DTNA: variants seen among roughly 807,000 people sequenced by gnomAD.
DTNA encodes the protein dystrobrevin alpha.
Under a neutral mutation model 100.7 loss-of-function variants are expected in DTNA, and 43 were observed. That is an observed-to-expected ratio of 0.43 (90% CI 0.33 to 0.55). DTNA has a LOEUF of 0.55. Among genes scored for constraint, DTNA ranks in the 20% least tolerant of loss-of-function variants. The pLI is 0.04. For synonymous variants in DTNA, 349 were observed against 347.9 expected (o/e 1.00, Z -0.04); for missense variants, 798 against 953.9 (o/e 0.84, Z 2.15).
rs112076124 is a variant in DTNA, at chr18:34,792,799, A to T, written c.149-1238A>T. On this transcript the variant is annotated intron_variant, in intron 3 of 22. Coordinates refer to ENST00000444659, the MANE Select transcript of DTNA (RefSeq NM_001386795.1). Reference sequence around the variant, plus strand: ...ACTTACTGTGAAACCCAGCCTTTTCATTTCTAAGTATTTACTTAATATTTT... The same window carrying T: ...ACTTACTGTGAAACCCAGCCTTTTCTTTTCTAAGTATTTACTTAATATTTT... 7.4e-3 allele frequency among the ~76,000 whole-genome samples: 1,130 copies of T among 152,318 alleles called. 11 individuals carry two copies. The highest frequency in any genetic ancestry group is 0.026 in the African/African-American group (1,078 of 41,578).
chr18:34,618,123 G>A (rs948010606), intron 1 of DTNA, among the ~76,000 whole-genome samples: 1 of 152,136 alleles, frequency 6.6e-6, no homozygotes, highest in Admixed American at 6.5e-5. Context: ...TTCCGGAAGA[G>A]GAAACCACAG....
intron 1 of DTNA, among the ~76,000 whole-genome samples, chr18:34,498,319 A>G (rs960134978): frequency 1.4e-4 from 22 of 151,726 alleles, no homozygotes; most frequent in African/African-American, 5.1e-4. Flanking sequence ...TGTAGTCCCA[A>G]CTACTTGGGA....
intron 1 of DTNA, among the ~76,000 whole-genome samples, chr18:34,563,326 C>G (rs939947618): frequency 6.6e-6 from 1 of 152,188 alleles, no homozygotes; most frequent in Non-Finnish European, 1.5e-5. Flanking sequence ...TCCACCTTGG[C>G]TAGGAGAGAG....
chr18:34,715,776 C>T lies in DTNA; in HGVS notation c.-2+5331C>T, dbSNP rs529843024. 1.0e-3 allele frequency among the ~76,000 whole-genome samples: 159 copies of T among 152,000 alleles called. 1 individual carries two copies. Among genetic ancestry groups the T allele is most frequent in the African/African-American group, 3.5e-3 (147 of 41,484 alleles). ...TATACAAAATTAAAAAGATAAATGG[C>T]AAATTAGAAACAACATTTGCAACAT... is the stretch of plus-strand genomic sequence containing the variant. On this transcript the variant is annotated intron_variant, in intron 1 of 22. Transcript: ENST00000444659.
chr18:34,639,958 A>G (rs1241834925), intron 1 of DTNA, among the ~76,000 whole-genome samples: 3 of 152,206 alleles, frequency 2.0e-5, no homozygotes, highest in Non-Finnish European at 4.4e-5. Context: ...AGATGGGATT[A>G]GGATAATAGT....
At chr18:34,796,101 A>T (rs1282771706) in intron 4 of DTNA, among the ~76,000 whole-genome samples, 3 of 152,252 alleles carry the variant, frequency 2.0e-5, no homozygotes, top group Non-Finnish European at 4.4e-5. Context: ...ACTGTAGTAG[A>T]TTTATAAACA....
intron 1 of DTNA, among the ~76,000 whole-genome samples, chr18:34,535,608 G>C (rs1207526976): frequency 6.6e-6 from 1 of 152,056 alleles, no homozygotes; most frequent in African/African-American, 2.4e-5. Flanking sequence ...TTTTCTTCTA[G>C]GGTTTGTATG....
chr18:34,652,075 A>G (rs2143961011), intron 1 of DTNA, among the ~76,000 whole-genome samples: 1 of 146,822 alleles, frequency 6.8e-6, no homozygotes, highest in Admixed American at 6.6e-5. Context: ...CAAAAGAAAG[A>G]AAAGAAAAAA....
chr18:34,563,318 C>T (rs1312311505), intron 1 of DTNA, among the ~76,000 whole-genome samples: 1 of 152,194 alleles, frequency 6.6e-6, no homozygotes, highest in Non-Finnish European at 1.5e-5. Context: ...TGCTGCCATC[C>T]ACCTTGGCTA....
chr18:34,760,715 A>G (rs999232458), intron 2 of DTNA, among the ~76,000 whole-genome samples: 1 of 152,072 alleles, frequency 6.6e-6, no homozygotes, highest in Middle Eastern at 3.2e-3. Context: ...TGGGGAGAGC[A>G]CTCCTGTTCC....
intron 13 of DTNA, among the ~76,000 whole-genome samples, chr18:34,841,075 C>T (rs1478978718): frequency 1.3e-5 from 2 of 149,634 alleles, no homozygotes; most frequent in African/African-American, 4.8e-5. Flanking sequence ...ATAATTTCTC[C>T]TAGTCCTTAA....
At position 34,875,266 on chromosome 18, in the gene DTNA, T is replaced by A. The variant is rs199645550; in HGVS notation, c.1771T>A (p.Ser591Thr). 11 of 1,612,438 alleles carry A rather than the reference T, an allele frequency of 6.8e-6. No homozygotes were observed. The highest frequency in any genetic ancestry group is 9.3e-6 in the Non-Finnish European group (11 of 1,179,644). Reference protein sequence around the residue: ...KTQGAGSPRSSPSHTISRPIP... With the variant: ...KTQGAGSPRSTPSHTISRPIP... ...TCAGGGGGCAGGCTCTCCCCGCTCC[T>A]CCCCCAGCCACACCATCAGCAGGCC... The change falls in exon 18 of 23, where the codon TCC (serine) becomes ACC (threonine). Residue 591 changes from serine to threonine, a missense_variant. Around this residue, in one of 6 missense-constraint regions of DTNA, gnomAD observed 242 missense variants for 238.2 expected, o/e 1.02. Coordinates refer to ENST00000444659, the MANE Select transcript of DTNA (RefSeq NM_001386795.1).
At chr18:34,620,898 T>C (rs540803728) in intron 1 of DTNA, among the ~76,000 whole-genome samples, 1 of 152,248 alleles carries the variant, frequency 6.6e-6, no homozygotes, top group East Asian at 1.9e-4. Context: ...AAAATGCACA[T>C]TGCATAGTTG....
intron 1 of DTNA, among the ~76,000 whole-genome samples, chr18:34,642,875 G>A (rs1033914221): frequency 5.3e-5 from 8 of 152,006 alleles, no homozygotes; most frequent in African/African-American, 1.9e-4. Flanking sequence ...CTTTCTCAGG[G>A]AATCATGCTG....
At chr18:34,520,603 G>A (rs541935382) in intron 1 of DTNA, among the ~76,000 whole-genome samples, 2 of 152,178 alleles carry the variant, frequency 1.3e-5, no homozygotes, top group East Asian at 3.9e-4. Context: ...GCAGTGAGCC[G>A]AGATCTTGCC....
chr18:34,563,291 C>G (rs981477807), intron 1 of DTNA, among the ~76,000 whole-genome samples: 15 of 152,166 alleles, frequency 9.9e-5, no homozygotes, highest in Non-Finnish European at 4.4e-5. Context: ...TGCCACAAGC[C>G]AAGGAATGTC....
At chr18:34,576,885 C>T (rs2048164334) in intron 1 of DTNA, among the ~76,000 whole-genome samples, 1 of 152,190 alleles carries the variant, frequency 6.6e-6, no homozygotes. Flanking sequence ...TCTAACTTTG[C>T]TGGCGGTCAG....
At chr18:34,674,645 A>C (rs990437167) in intron 1 of DTNA, among the ~76,000 whole-genome samples, 4 of 152,206 alleles carry the variant, frequency 2.6e-5, no homozygotes, top group African/African-American at 4.8e-5. Flanking sequence ...ATAAGTTTAT[A>C]CTGCCACTCT....
At position 34,828,849 on chromosome 18, in the gene DTNA, C is replaced by A. The variant is rs150645823; in HGVS notation, c.1086-551C>A. Reference sequence around the variant, plus strand: ...TCTTTTTTAGAATCACCAGCAAATGCAACCATTTTTTTTTTCTGGAATGAA... The same window carrying A: ...TCTTTTTTAGAATCACCAGCAAATGAAACCATTTTTTTTTTCTGGAATGAA... On this transcript the variant is annotated intron_variant, in intron 10 of 22. Coordinates refer to ENST00000444659, the MANE Select transcript of DTNA (RefSeq NM_001386795.1). Among the ~76,000 whole-genome samples, 22 of 152,146 alleles carry A rather than the reference C, an allele frequency of 1.4e-4. No individual in the cohort carries two copies. In the East Asian group the frequency reaches 3.9e-3, roughly 27 times the overall value.
Sources: allele counts gnomAD v4.1 joint callset (sites outside exome capture counted in the v4.1 genomes callset), GRCh38; gene constraint gnomAD v4.1.1; regional missense constraint gnomAD v4.1.1; transcripts MANE v1.5; gene names NCBI Gene and HGNC (gene_info 2026-07-23, HGNC 2026-07-21).